The following FGD6 variants were observed in gnomAD, a reference collection of about 807,000 sequenced individuals.
FGD6 encodes the protein FYVE, RhoGEF and PH domain containing 6, also known as FYVE, RhoGEF and PH domain-containing protein 6.
A neutral mutation model predicts 149.4 loss-of-function variants in FGD6; 90 were observed. That is an observed-to-expected ratio of 0.60 (90% confidence interval 0.51 to 0.72). The LOEUF is 0.72. FGD6 is among the 30% of genes least tolerant of loss of function. FGD6 has a pLI of 0.00. For synonymous variants in FGD6, 527 were observed against 584.0 expected, an observed-to-expected ratio of 0.90 and a Z score of 1.41; for missense variants, 1,437 against 1,684.8, an observed-to-expected ratio of 0.85 and a Z score of 2.57.
In FGD6 at chr12:95,077,886, A is replaced by G. The variant is rs1877546280; in HGVS notation, c.*3634T>C. The G allele has an allele frequency of 6.6e-6, 1 of 152,254 alleles. No homozygotes were observed. Among genetic ancestry groups the G allele is most frequent in the African/African-American group, 2.4e-5 (1 of 41,462 alleles). 9.4% of individuals were successfully genotyped at this position (152,254 alleles called of 1,614,324 possible). On this transcript the variant is annotated 3_prime_UTR_variant, in exon 21 of 21. Coordinates refer to ENST00000343958, the MANE Select transcript of FGD6 (RefSeq NM_018351.4). Reference sequence around the variant, plus strand: ...TAAAGTCTGAGATGCTTGAGGACTCATATAGATAGCCAATAGGTAGTTACA... The same window carrying G: ...TAAAGTCTGAGATGCTTGAGGACTCGTATAGATAGCCAATAGGTAGTTACA...
At chr12:95,193,276 T>C (rs902530313) in intron 2 of FGD6, among the ~76,000 whole-genome samples, 3 of 152,078 alleles carry the variant, frequency 2.0e-5, no homozygotes, top group Admixed American at 1.3e-4. Context: ...ATACTACTAA[T>C]ATTTAGCAAT....
rs1880349104 is a variant in FGD6 at position 95,152,849 on chromosome 12, AAAC to A, written c.2655-11_2655-9del. The A allele has an allele frequency of 1.2e-6, 2 of 1,613,730 alleles. No individual in the cohort carries two copies. The highest frequency in any genetic ancestry group is 8.5e-7 in the Non-Finnish European group (1 of 1,179,868). ...TTTAACACATCCACAAACCTGTAAA[AAAC>A]AACAATGAAAAAAATGTTTTAAATG... On this transcript the variant is annotated splice_polypyrimidine_tract_variant and intron_variant, in intron 4 of 20. Transcript: ENST00000343958.
intron 8 of FGD6, chr12:95,117,080 G>A (rs957678549): frequency 7.4e-6 from 2 of 268,910 alleles, no homozygotes; most frequent in African/African-American, 2.2e-5. Context: ...TTCGGCAGAA[G>A]CTTTCCTAAT....
chr12:95,157,869 G>C (rs573365661), intron 3 of FGD6, among the ~76,000 whole-genome samples: 2 of 152,092 alleles, frequency 1.3e-5, no homozygotes, highest in Admixed American at 1.3e-4. Context: ...TTTGTTTTGA[G>C]ACAGAGTCTC....
Position 95,156,050 on chromosome 12 carries a change from C to A in FGD6, c.2587-3057G>T, listed in dbSNP as rs549852961. ...CTCTTAATCCCGTCACCTTCGTAAG[C>A]TGAGGGGGATGTATGTTGCCTCAGG... On this transcript the variant is annotated intron_variant, in intron 3 of 20. Coordinates refer to ENST00000343958, the MANE Select transcript of FGD6 (RefSeq NM_018351.4). Among the ~76,000 whole-genome samples the A allele has an allele frequency of 3.0e-4, 46 of 152,256 alleles. No individual in the cohort carries two copies. In the South Asian group the frequency reaches 6.4e-3, roughly 21 times the overall value.
chr12:95,183,818 C>G (rs755999105), intron 2 of FGD6, among the ~76,000 whole-genome samples: 2 of 152,168 alleles, frequency 1.3e-5, no homozygotes, highest in Non-Finnish European at 2.9e-5. Flanking sequence ...GGCTGGGTGA[C>G]AGAGCAAGAA....
At chr12:95,217,180 G>C (rs200987522) in intron 1 of FGD6, 45 bp downstream of exon 1, 2 of 1,611,206 alleles carry the variant, frequency 1.2e-6, no homozygotes, top group South Asian at 1.1e-5. Flanking sequence ...GCCTAGCAGC[G>C]CTCGCCACAA....
At chr12:95,102,547 G>A (rs896655008) in intron 14 of FGD6, among the ~76,000 whole-genome samples, 5 of 151,854 alleles carry the variant, frequency 3.3e-5, no homozygotes, top group African/African-American at 1.2e-4. Flanking sequence ...TCTAAATATT[G>A]GTATCTGGTG....
intron 3 of FGD6, among the ~76,000 whole-genome samples, chr12:95,172,281 C>T (rs1881015733): frequency 6.6e-6 from 1 of 152,116 alleles, no homozygotes; most frequent in African/African-American, 2.4e-5. Context: ...GATGCTGAGG[C>T]AGGAGGATGG....
intron 5 of FGD6, among the ~76,000 whole-genome samples, chr12:95,148,533 A>T (rs934358803): frequency 7.6e-5 from 9 of 117,676 alleles, no homozygotes; most frequent in East Asian, 3.1e-4. Context: ...ATATTATATA[A>T]TATATAGCAT....
At chr12:95,132,480 C>T (rs750426471) in intron 8 of FGD6, among the ~76,000 whole-genome samples, 1 of 152,132 alleles carries the variant, frequency 6.6e-6, no homozygotes, top group African/African-American at 2.4e-5. Context: ...TGGCCGGGCA[C>T]CGTGGCTCAT....
intron 9 of FGD6, among the ~76,000 whole-genome samples, chr12:95,112,090 A>G (rs1157139933): frequency 6.6e-6 from 1 of 151,382 alleles, no homozygotes; most frequent in East Asian, 2.0e-4. Context: ...AAAAATTAGC[A>G]GGGTGTGATG....
At chr12:95,088,280 C>T (rs1877940965) in intron 18 of FGD6, among the ~76,000 whole-genome samples, 1 of 152,070 alleles carries the variant, frequency 6.6e-6, no homozygotes, top group Non-Finnish European at 1.5e-5. Flanking sequence ...ATTTTGGGTA[C>T]ACTGTATACT....
chr12:95,167,738 C>A (rs1391537864), intron 3 of FGD6, among the ~76,000 whole-genome samples: 1 of 151,858 alleles, frequency 6.6e-6, no homozygotes, highest in African/African-American at 2.4e-5. Flanking sequence ...ACACACAGGG[C>A]TAATTTTTGT....
intron 14 of FGD6, among the ~76,000 whole-genome samples, chr12:95,102,864 T>C (rs1263980720): frequency 6.6e-6 from 1 of 152,258 alleles, no homozygotes; most frequent in Non-Finnish European, 1.5e-5. Context: ...AGATGTGTTA[T>C]TGAACCTCTC....
chr12:95,141,395 A>G lies in FGD6; in HGVS notation c.2830T>C (p.Leu944=), dbSNP rs868629571. Reference sequence around the variant, plus strand: ...AAAACGGTCCATTTTTACCAGTGCAACATTCTTTCCTCCAGTTCCTTCAAG... The same window carrying G: ...AAAACGGTCCATTTTTACCAGTGCAGCATTCTTTCCTCCAGTTCCTTCAAG... The part of the protein sequence containing the change: ...DLLKELEERM[L]HWTEQQRIAD... The change falls in exon 6 of 21, where the codon TTG becomes CTG. Residue 944 remains leucine, a synonymous_variant. Coordinates refer to ENST00000343958, the MANE Select transcript of FGD6 (RefSeq NM_018351.4). The G allele has an allele frequency of 1.9e-6, 3 of 1,613,854 alleles. No homozygotes were observed. Among genetic ancestry groups the G allele is most frequent in the Non-Finnish European group, 2.5e-6 (3 of 1,179,896 alleles).
At chr12:95,120,613 G>A (rs1252463909) in intron 8 of FGD6, among the ~76,000 whole-genome samples, 4 of 151,370 alleles carry the variant, frequency 2.6e-5, no homozygotes, top group South Asian at 2.1e-4. Context: ...CTTAAACTCC[G>A]GAGGCAGAGG....
chr12:95,126,112 T>C, intron 8 of FGD6: 6 of 1,058,612 alleles, frequency 5.7e-6, no homozygotes. Context: ...GCAAAGAAAA[T>C]GAGGGACAGA....
At chr12:95,116,079 A>G (rs1879002539) in intron 8 of FGD6, among the ~76,000 whole-genome samples, 1 of 152,336 alleles carries the variant, frequency 6.6e-6, no homozygotes, top group East Asian at 1.9e-4. Flanking sequence ...AAAAAATAAA[A>G]AATTCCCAAA....
Sources: allele counts gnomAD v4.1 joint callset (sites outside exome capture counted in the v4.1 genomes callset), GRCh38; gene constraint gnomAD v4.1.1; transcripts MANE v1.5; gene names NCBI Gene and HGNC (gene_info 2026-07-23, HGNC 2026-07-21).